TEC: variants seen among roughly 807,000 people sequenced by gnomAD.
TEC encodes tyrosine-protein kinase Tec.
In TEC, 72 loss-of-function variants were observed where a neutral mutation model predicts 93.0. The ratio of observed to expected loss-of-function variants is 0.77; its 90% CI spans 0.64 to 0.94. The LOEUF is 0.94. Among genes scored for constraint, TEC ranks in the 40% least tolerant of loss-of-function variants. The pLI is 0.00. For synonymous variants in TEC, 249 were observed against 247.7 expected, an observed-to-expected ratio of 1.01 and a Z score of -0.05; for missense variants, 630 against 757.9, an observed-to-expected ratio of 0.83 and a Z score of 1.98.
intron 1 of TEC, among the ~76,000 whole-genome samples, chr4:48,265,393 G>A (rs901687276): frequency 4.0e-5 from 6 of 148,272 alleles, no homozygotes; most frequent in African/African-American, 9.9e-5. Flanking sequence ...ATATATGTGT[G>A]TGTATATGTA....
intron 2 of TEC, among the ~76,000 whole-genome samples, chr4:48,224,903 G>GTT (rs1723391560): frequency 6.6e-6 from 1 of 152,176 alleles, no homozygotes; most frequent in South Asian, 2.1e-4. Flanking sequence ...ATTATGAACT[G>GTT]AGAGTTTTAA....
At chr4:48,198,042 A>G (rs1722358841) in intron 2 of TEC, among the ~76,000 whole-genome samples, 1 of 152,086 alleles carries the variant, frequency 6.6e-6, no homozygotes, top group South Asian at 2.1e-4. Context: ...CAACCCGGAG[A>G]TGGAGGACTG....
chr4:48,233,640 A>T (rs1723703845), intron 1 of TEC, among the ~76,000 whole-genome samples: 2 of 67,930 alleles, frequency 2.9e-5, no homozygotes, highest in Non-Finnish European at 5.6e-5. Flanking sequence ...AGAAAATGTT[A>T]AAAAAAACTC....
rs572383975 is a variant in TEC, at chr4:48,179,533, C to T, written c.139-3347G>A. 4.6e-5 allele frequency among the ~76,000 whole-genome samples: 7 copies of T among 151,134 alleles called. No homozygotes were observed. The East Asian group carries it at 1.2e-3, about 25-fold the overall frequency. On this transcript the variant is annotated intron_variant, in intron 2 of 17. Coordinates refer to ENST00000381501, the MANE Select transcript of TEC (RefSeq NM_003215.3). ...CCCCCCAAGTAGCTGGGATTCCAGG[C>T]GTGTGCCACCACGCCCAGCTAAATT...
chr4:48,230,103 A>AAT (rs894425482), intron 1 of TEC, among the ~76,000 whole-genome samples: 5 of 118,266 alleles, frequency 4.2e-5, no homozygotes, highest in East Asian at 3.6e-4. Context: ...TAATAATAAT[A>AAT]AATAAATAAC....
intron 2 of TEC, among the ~76,000 whole-genome samples, chr4:48,186,785 T>C (rs4352448): frequency 6.7e-6 from 1 of 148,454 alleles, no homozygotes; most frequent in African/African-American, 2.5e-5. Flanking sequence ...GCCCCCGCCC[T>C]GCCAGCCGCC....
chr4:48,143,333 G>C (rs1271837151), intron 14 of TEC, among the ~76,000 whole-genome samples: 1 of 152,214 alleles, frequency 6.6e-6, no homozygotes, highest in Non-Finnish European at 1.5e-5. Context: ...AACATCATCT[G>C]TGTGGACAGG....
At chr4:48,242,597 CAA>C (rs764659192) in intron 1 of TEC, among the ~76,000 whole-genome samples, 6 of 152,310 alleles carry the variant, frequency 3.9e-5, no homozygotes, top group Non-Finnish European at 8.8e-5. Context: ...CTTAAATTAG[CAA>C]AGTCTTGGAA....
At chr4:48,149,316 A>C (rs568197143) in intron 11 of TEC, among the ~76,000 whole-genome samples, 13 of 152,292 alleles carry the variant, frequency 8.5e-5, no homozygotes, top group Middle Eastern at 3.4e-3. Flanking sequence ...TAATGTGAAC[A>C]TTTACTATAT....
chr4:48,212,421 C>T (rs1480733088), intron 2 of TEC, among the ~76,000 whole-genome samples: 3 of 152,128 alleles, frequency 2.0e-5, no homozygotes, highest in Non-Finnish European at 2.9e-5. Flanking sequence ...TAACAGTACA[C>T]TCGCCCGAAA....
At chr4:48,216,249 A>AAC (rs1173856989) in intron 2 of TEC, among the ~76,000 whole-genome samples, 1 of 151,714 alleles carries the variant, frequency 6.6e-6, no homozygotes, top group South Asian at 2.1e-4. Context: ...CCCAGGAAAA[A>AAC]AAAAAAAACA....
intron 1 of TEC, among the ~76,000 whole-genome samples, chr4:48,231,007 C>T (rs989987662): frequency 2.6e-5 from 4 of 152,190 alleles, no homozygotes; most frequent in African/African-American, 7.2e-5. Flanking sequence ...TCTCACTTAG[C>T]TGTTAAGGAA....
chr4:48,234,104 G>C (rs1002190081), intron 1 of TEC, among the ~76,000 whole-genome samples: 2 of 152,086 alleles, frequency 1.3e-5, no homozygotes, highest in African/African-American at 4.8e-5. Flanking sequence ...ATTCAGAATG[G>C]TAATCATCAA....
chr4:48,260,708 GC>G, intron 1 of TEC, among the ~76,000 whole-genome samples: 1 of 152,236 alleles, frequency 6.6e-6, no homozygotes, highest in African/African-American at 2.4e-5. Flanking sequence ...AGAAAATTAT[GC>G]ATGGACTAAT....
At chr4:48,262,855 C>T (rs906207965) in intron 1 of TEC, among the ~76,000 whole-genome samples, 1 of 152,188 alleles carries the variant, frequency 6.6e-6, no homozygotes, top group African/African-American at 2.4e-5. Context: ...TTGTCACAAT[C>T]GCCAGCACTC....
chr4:48,156,250 T>C (rs993012395), intron 9 of TEC, among the ~76,000 whole-genome samples: 2 of 152,160 alleles, frequency 1.3e-5, no homozygotes, highest in Admixed American at 1.3e-4. Flanking sequence ...TGACCAGTGC[T>C]CGATCCCCAC....
intron 2 of TEC, among the ~76,000 whole-genome samples, chr4:48,210,804 A>AGT (rs1033008486): frequency 1.3e-5 from 2 of 152,238 alleles, no homozygotes; most frequent in Non-Finnish European, 2.9e-5. Flanking sequence ...ACCTGTGATT[A>AGT]GTGACCTAAT....
chr4:48,167,074 G>C (rs1268251629), intron 7 of TEC, among the ~76,000 whole-genome samples: 1 of 151,942 alleles, frequency 6.6e-6, no homozygotes, highest in African/African-American at 2.4e-5. Flanking sequence ...AGGATACAGA[G>C]TTTGCTTATG....
chr4:48,260,360 A>G (rs116429750), intron 1 of TEC, among the ~76,000 whole-genome samples: 4,010 of 152,222 alleles, frequency 0.026, 172 homozygotes, highest in African/African-American at 0.09. Context: ...GAGGTGGGAG[A>G]ATCACTTGAG....
Sources: gnomAD v4.1 joint callset for allele counts (sites outside exome capture counted in the v4.1 genomes callset) on GRCh38, gnomAD v4.1.1 for gene constraint, MANE v1.5 for transcripts, NCBI Gene and HGNC (gene_info 2026-07-23, HGNC 2026-07-21) for gene names.